The following APBB2 variants were observed in gnomAD, a reference collection of about 807,000 sequenced individuals.
APBB2 encodes the protein amyloid beta precursor protein binding family B member 2.
APBB2 carries 38 observed loss-of-function variants against 82.5 expected under a neutral mutation model. The ratio of observed to expected loss-of-function variants is 0.46; its 90% CI spans 0.36 to 0.60. The LOEUF (loss-of-function observed/expected upper bound fraction) is 0.60, where lower values mean the gene tolerates loss of function less well. APBB2 is among the 20% of genes least tolerant of loss of function. The probability of loss-of-function intolerance (pLI) is 0.00; values close to 1 mark genes in which losing one functional copy is unlikely to be tolerated. For missense variants in APBB2, 772 were observed against 972.3 expected, an observed-to-expected ratio of 0.79 and a Z score of 2.74; for synonymous variants, 341 against 368.2, an observed-to-expected ratio of 0.93 and a Z score of 0.85.
At chr4:41,056,385 G>C (rs961386160) in intron 4 of APBB2, among the ~76,000 whole-genome samples, 1 of 152,078 alleles carries the variant, frequency 6.6e-6, no homozygotes, top group African/African-American at 2.4e-5. Context: ...TCCCATGCCT[G>C]ATCTGCCAAC....
At chr4:40,851,738 A>ATATATATATATATATATTT (rs1192919460) in intron 12 of APBB2, among the ~76,000 whole-genome samples, 5 of 67,730 alleles carry the variant, frequency 7.4e-5, no homozygotes, top group Non-Finnish European at 1.3e-4. Context: ...ATATATATAT[A>ATATATATATATATATATTT]TTTTTTTTTT....
At chr4:41,119,223 C>A (rs976788522) in intron 2 of APBB2, among the ~76,000 whole-genome samples, 1 of 151,576 alleles carries the variant, frequency 6.6e-6, no homozygotes, top group Non-Finnish European at 1.5e-5. Flanking sequence ...TAAACTAATT[C>A]CAAAGAAGTG....
At chr4:40,945,306 G>A (rs1011243979) in intron 6 of APBB2, among the ~76,000 whole-genome samples, 1 of 152,098 alleles carries the variant, frequency 6.6e-6, no homozygotes, top group African/African-American at 2.4e-5. Context: ...CCTGAGAACA[G>A]GGACACAAAA....
chr4:40,923,653 C>A (rs143885220), intron 10 of APBB2, among the ~76,000 whole-genome samples: 2,293 of 152,342 alleles, frequency 0.015, 54 homozygotes, highest in African/African-American at 0.049. Context: ...ATTTCCTCAC[C>A]TGTTTCCTAC....
intron 3 of APBB2, among the ~76,000 whole-genome samples, chr4:41,068,539 G>T (rs895239324): frequency 6.6e-6 from 1 of 152,118 alleles, no homozygotes; most frequent in African/African-American, 2.4e-5. Flanking sequence ...TTTCTGGCAA[G>T]CAATCCCCCC....
At chr4:41,109,642 T>C (rs1003037013) in intron 2 of APBB2, among the ~76,000 whole-genome samples, 8 of 152,134 alleles carry the variant, frequency 5.3e-5, no homozygotes, top group African/African-American at 1.9e-4. Flanking sequence ...GGCTAATTTT[T>C]TATATTTTTG....
chr4:41,045,379 C>T (rs1255867493), intron 4 of APBB2, among the ~76,000 whole-genome samples: 7 of 152,144 alleles, frequency 4.6e-5, no homozygotes, highest in East Asian at 3.9e-4. Flanking sequence ...CTGCAAGCTC[C>T]GCCTCCCATG....
chr4:40,999,940 T>C (rs1051082512), intron 6 of APBB2, among the ~76,000 whole-genome samples: 2 of 151,590 alleles, frequency 1.3e-5, no homozygotes, highest in African/African-American at 4.9e-5. Flanking sequence ...ACATCTATAA[T>C]CCTAGCACTT....
chr4:41,194,429 T>C, intron 1 of APBB2, among the ~76,000 whole-genome samples: 36 of 152,220 alleles, frequency 2.4e-4, no homozygotes, highest in Non-Finnish European at 3.4e-4. Context: ...ATGCCTGTAA[T>C]CCCAGCACTT....
chr4:40,853,271 A>G (rs989289453), intron 12 of APBB2, among the ~76,000 whole-genome samples: 3 of 152,026 alleles, frequency 2.0e-5, no homozygotes, highest in Non-Finnish European at 4.4e-5. Context: ...ATCTTTCTGT[A>G]TGAAATAAAC....
At chr4:41,099,718 T>C (rs972489550) in intron 3 of APBB2, among the ~76,000 whole-genome samples, 4 of 152,164 alleles carry the variant, frequency 2.6e-5, no homozygotes, top group African/African-American at 9.7e-5. Context: ...ATGCTTCAAC[T>C]AACTCATTTA....
At chr4:40,921,762 C>T (rs545728301) in intron 10 of APBB2, among the ~76,000 whole-genome samples, 1 of 152,350 alleles carries the variant, frequency 6.6e-6, no homozygotes, top group Admixed American at 6.5e-5. Flanking sequence ...AGGAGAAGCA[C>T]TTTTTGAGAA....
chr4:41,164,236 G>C (rs1286705800), intron 1 of APBB2, among the ~76,000 whole-genome samples: 1 of 152,180 alleles, frequency 6.6e-6, no homozygotes, highest in African/African-American at 2.4e-5. Context: ...GTCACATGAG[G>C]TCAGGTGTGA....
intron 6 of APBB2, among the ~76,000 whole-genome samples, chr4:40,950,073 C>A (rs1789673300): frequency 6.6e-6 from 1 of 152,152 alleles, no homozygotes; most frequent in African/African-American, 2.4e-5. Flanking sequence ...TTTACAGAAA[C>A]TGCAGAAATC....
chr4:40,865,636 A>G (rs953639477), intron 12 of APBB2, among the ~76,000 whole-genome samples: 13 of 152,170 alleles, frequency 8.5e-5, no homozygotes. Flanking sequence ...TATTGCTGAG[A>G]ATTCCTTTGC....
rs115797610 is a variant in APBB2 at position 40,838,676 on chromosome 4, G to A, written c.1530-8099C>T. Among the ~76,000 whole-genome samples the A allele has an allele frequency of 6.5e-3, 985 of 151,996 alleles. 7 individuals carry two copies. Among genetic ancestry groups the A allele is most frequent in the African/African-American group, 0.023 (953 of 41,460 alleles). On this transcript the variant is annotated intron_variant, in intron 12 of 17. Transcript: ENST00000508593. The stretch of plus-strand genomic sequence containing the variant: ...TGGAGATGGAGTTTCACCACATTGG[G>A]CAGGCTGGTCTAGAACTCCTGGACT...
chr4:40,991,011 A>ATT (rs796337000), intron 6 of APBB2, among the ~76,000 whole-genome samples: 2 of 134,846 alleles, frequency 1.5e-5, no homozygotes, highest in African/African-American at 2.7e-5. Flanking sequence ...ACTGAGTTTC[A>ATT]TTTTTTTTTT....
chr4:41,033,409 A>C (rs1192860133), intron 4 of APBB2, 105 bp from the exon 5 acceptor site: 2 of 709,796 alleles, frequency 2.8e-6, no homozygotes, highest in Non-Finnish European at 4.3e-6. Context: ...TATATATACC[A>C]AACAAATTTT....
At position 40,944,850 on chromosome 4, in the gene APBB2, G is replaced by A; in HGVS notation, c.1044+15C>T. ...ATCTATTCTACTAAGCTGGTAAAAA[G>A]ACACTCCGTTTTACCTCGTTCTCTG... On this transcript the variant is annotated intron_variant, in intron 7 of 17. Transcript: ENST00000508593. 1 of 1,611,932 alleles carries A rather than the reference G, an allele frequency of 6.2e-7. No individual in the cohort carries two copies. Among genetic ancestry groups the A allele is most frequent in the Non-Finnish European group, 8.5e-7 (1 of 1,179,538 alleles).
Sources: allele counts gnomAD v4.1 joint callset (sites outside exome capture counted in the v4.1 genomes callset), GRCh38; gene constraint gnomAD v4.1.1; transcripts MANE v1.5; gene names NCBI Gene and HGNC (gene_info 2026-07-23, HGNC 2026-07-21).